Variants in FAM83A observed in about 807,000 individuals in gnomAD.
FAM83A encodes the protein scaffolding CK1 anchoring protein A.
Under a neutral mutation model 24.4 loss-of-function variants are expected in FAM83A, and 21 were observed. The observed-to-expected ratio is 0.86, with a 90% CI of 0.61 to 1.24. FAM83A has a LOEUF of 1.24. FAM83A is among the 50% of genes most tolerant of loss of function. The probability of loss-of-function intolerance (pLI) is 0.00; values close to 1 mark genes in which losing one functional copy is unlikely to be tolerated. For missense variants in FAM83A, 617 were observed against 579.8 expected (o/e 1.06, Z -0.66); for synonymous variants, 270 against 252.4 (o/e 1.07, Z -0.66).
At chr8:123,193,689 G>A (rs1824051522) in intron 2 of FAM83A, among the ~76,000 whole-genome samples, 3 of 152,208 alleles carry the variant, frequency 2.0e-5, no homozygotes, top group Admixed American at 6.5e-5. Context: ...GGTTCTAGAG[G>A]CTGGGAACTC....
intron 1 of FAM83A, among the ~76,000 whole-genome samples, chr8:123,190,189 A>C (rs1823923810): frequency 6.6e-6 from 1 of 152,016 alleles, no homozygotes; most frequent in Non-Finnish European, 1.5e-5. Context: ...GAGAGAGAGG[A>C]AGAAAAGAAA....
intron 3 of FAM83A, among the ~76,000 whole-genome samples, chr8:123,200,964 A>ATAT (rs1182442080): frequency 8.9e-5 from 13 of 146,210 alleles, no homozygotes; most frequent in African/African-American, 2.6e-4. Flanking sequence ...AAACAAAAAA[A>ATAT]AAAAATATAT....
chr8:123,204,943 C>A (rs1824490414), intron 3 of FAM83A, among the ~76,000 whole-genome samples: 1 of 151,880 alleles, frequency 6.6e-6, no homozygotes, highest in South Asian at 2.1e-4. Context: ...GAAACCCTGT[C>A]TCTACTAAAA....
At chr8:123,182,601 C>T, upstream of FAM83A, 1 of 679,534 alleles carries the variant, frequency 1.5e-6, no homozygotes. Context: ...TCTGAGCCAG[C>T]CCTCCCGGCC....
intron 2 of FAM83A, among the ~76,000 whole-genome samples, chr8:123,192,171 G>A (rs773684079): frequency 2.0e-5 from 3 of 152,182 alleles, no homozygotes; most frequent in Non-Finnish European, 4.4e-5. Context: ...CGGCCTCTAA[G>A]ATAACCATGA....
chr8:123,208,738 G>A, exon 4 of FAM83A: 1 of 985,536 alleles, frequency 1.0e-6, no homozygotes, highest in Non-Finnish European at 1.2e-6. Context: ...GCTCATGCCT[G>A]TAATCCCAGA....
chr8:123,190,556 C>A (rs1298511882), intron 1 of FAM83A, among the ~76,000 whole-genome samples: 2 of 152,124 alleles, frequency 1.3e-5, no homozygotes, highest in African/African-American at 4.8e-5. Context: ...TGAGCCACCG[C>A]GCCCGGCAGT....
chr8:123,193,906 TG>T, intron 2 of FAM83A, 117 bp from the exon 3 acceptor site: 2 of 1,297,104 alleles, frequency 1.5e-6, no homozygotes, highest in South Asian at 1.4e-5. Flanking sequence ...ACCGTCACCC[TG>T]GGGATTAGGT....
chr8:123,182,271 G>T (rs954433406), upstream of FAM83A: 3 of 382,356 alleles, frequency 7.8e-6, no homozygotes, highest in Non-Finnish European at 1.6e-5. Context: ...CTGGTCAACA[G>T]CTCTCCCTGG....
chr8:123,188,572 C>T (rs1823879866), intron 1 of FAM83A, among the ~76,000 whole-genome samples: 1 of 152,072 alleles, frequency 6.6e-6, no homozygotes, highest in East Asian at 1.9e-4. Context: ...CAACCTCTGC[C>T]TCCCAGGTTC....
chr8:123,181,036 T>C (rs1212816111), upstream of FAM83A, among the ~76,000 whole-genome samples: 1 of 152,154 alleles, frequency 6.6e-6, no homozygotes, highest in Admixed American at 6.5e-5. Flanking sequence ...CTCTGCCTCC[T>C]GGGTTGAAGC....
upstream of FAM83A, among the ~76,000 whole-genome samples, chr8:123,181,407 C>A (rs1420907919): frequency 2.0e-5 from 3 of 152,170 alleles, no homozygotes; most frequent in Non-Finnish European, 2.9e-5. Context: ...GAAGACCACA[C>A]AATCCTGATT....
chr8:123,193,430 ATT>A (rs994836384), intron 2 of FAM83A, among the ~76,000 whole-genome samples: 2 of 152,114 alleles, frequency 1.3e-5, no homozygotes, highest in African/African-American at 4.8e-5. Context: ...TTGCTGCCTT[ATT>A]TGAATTCTAC....
chr8:123,189,524 A>C (rs1823905958), intron 1 of FAM83A, among the ~76,000 whole-genome samples: 1 of 152,216 alleles, frequency 6.6e-6, no homozygotes, highest in South Asian at 2.1e-4. Context: ...AGGAAAACTC[A>C]AGCTGGAAAC....
chr8:123,190,643 C>T (rs1586778657), intron 1 of FAM83A, among the ~76,000 whole-genome samples: 1 of 152,158 alleles, frequency 6.6e-6, no homozygotes, highest in Non-Finnish European at 1.5e-5. Context: ...GGACTCATGA[C>T]TGGGTGACAG....
chr8:123,205,152 A>G (rs1824498573), intron 3 of FAM83A, among the ~76,000 whole-genome samples: 2 of 152,226 alleles, frequency 1.3e-5, no homozygotes, highest in South Asian at 4.1e-4. Context: ...AAGCTAAAGC[A>G]TGAGATGCGC....
intron 3 of FAM83A, chr8:123,201,153 C>A (rs1824347043): frequency 6.6e-6 from 1 of 151,402 alleles, no homozygotes; most frequent in South Asian, 2.1e-4. Flanking sequence ...CAAAAAAAAA[C>A]AGAAACAAAA....
At chr8:123,195,002 G>T (rs1271020444) in intron 3 of FAM83A, among the ~76,000 whole-genome samples, 1 of 152,132 alleles carries the variant, frequency 6.6e-6, no homozygotes, top group East Asian at 1.9e-4. Flanking sequence ...GAGCTTAAAA[G>T]ATATTCTTTG....
intron 1 of FAM83A, among the ~76,000 whole-genome samples, chr8:123,184,302 C>T (rs541510325): frequency 2.6e-5 from 4 of 152,220 alleles, no homozygotes; most frequent in East Asian, 1.9e-4. Context: ...CCCACCTCTG[C>T]GCTTCCAAAT....
Sources: allele counts gnomAD v4.1 joint callset (sites outside exome capture counted in the v4.1 genomes callset), GRCh38; gene constraint gnomAD v4.1.1; transcripts MANE v1.5; gene names NCBI Gene and HGNC (gene_info 2026-07-23, HGNC 2026-07-21).